The following PROS1 variants were observed in gnomAD, a reference collection of about 807,000 sequenced individuals.
The protein encoded by PROS1 is vitamin K-dependent protein S.
PROS1 carries 29 observed loss-of-function variants against 75.9 expected under a neutral mutation model. The observed-to-expected ratio is 0.38, with a 90% CI of 0.28 to 0.52. The LOEUF (loss-of-function observed/expected upper bound fraction) is 0.52, where lower values mean the gene tolerates loss of function less well. PROS1 is among the 20% of genes least tolerant of loss of function. PROS1 has a pLI of 0.83. For missense variants in PROS1, 680 were observed against 810.3 expected (o/e 0.84, Z 1.95); for synonymous variants, 245 against 280.6 (o/e 0.87, Z 1.27).
intron 1 of PROS1, among the ~76,000 whole-genome samples, chr3:93,933,740 A>G (rs975319732): frequency 6.6e-6 from 1 of 152,176 alleles, no homozygotes; most frequent in African/African-American, 2.4e-5. Context: ...CCTGGCCAAC[A>G]TGGTGAAATG....
intron 3 of PROS1, among the ~76,000 whole-genome samples, chr3:93,912,212 G>T (rs1353594610): frequency 6.6e-6 from 1 of 152,104 alleles, no homozygotes; most frequent in Admixed American, 6.5e-5. Flanking sequence ...TGGGCTCATG[G>T]CCTCATCCTT....
In PROS1 at chr3:93,910,681, C is replaced by A; in HGVS notation, c.284G>T (p.Gly95Val). 6.2e-7 allele frequency: 1 copy of A among 1,613,286 alleles called. No homozygotes were observed. Among genetic ancestry groups the A allele is most frequent in the Non-Finnish European group, 8.5e-7 (1 of 1,179,566 alleles). The change falls in exon 4 of 15, where the codon GGG becomes GTG. Residue 95 changes from glycine (G) to valine (V), a missense_variant. Coordinates refer to ENST00000394236, the MANE Select transcript of PROS1 (RefSeq NM_000313.4). The stretch of plus-strand genomic sequence containing the variant: ...TGACTGACGTGCAGCAGTGAATAAC[C>A]CAGTTTGAAAAGAGCGAAGACAAAC... Reference protein sequence around the residue: ...YLVCLRSFQTGLFTAARQSTN... With the variant: ...YLVCLRSFQTVLFTAARQSTN...
At chr3:93,893,232 A>G in intron 9 of PROS1, 110 bp from the exon 10 acceptor site, 4 of 1,005,040 alleles carry the variant, frequency 4.0e-6, no homozygotes, top group Non-Finnish European at 6.0e-6. Flanking sequence ...AGAGTCAATT[A>G]TTTATTTCTT....
intron 1 of PROS1, among the ~76,000 whole-genome samples, chr3:93,971,049 AATGAATT>A (rs1709872893): frequency 6.6e-6 from 1 of 151,890 alleles, no homozygotes; most frequent in South Asian, 2.1e-4. Flanking sequence ...TGGCCTAAAC[AATGAATT>A]ATAGGCTGGA....
intron 4 of PROS1, among the ~76,000 whole-genome samples, chr3:93,910,375 C>T (rs1346335265): frequency 6.6e-6 from 1 of 152,080 alleles, no homozygotes; most frequent in East Asian, 1.9e-4. Flanking sequence ...AGCTGATAAC[C>T]TTTAGGAACA....
rs143431856 is a variant in PROS1, at chr3:93,876,771, T to A, written c.1870+195A>T. 0.018 allele frequency among the ~76,000 whole-genome samples: 2,771 copies of A among 152,152 alleles called. 97 individuals carry two copies. The highest frequency in any genetic ancestry group is 0.063 in the African/African-American group (2,634 of 41,498). On this transcript the variant is annotated intron_variant, in intron 14 of 14. Transcript: ENST00000394236. ...TGAAGCAAAACTTGATCAGCCTTAG[T>A]TCAACATTTTTAAACTAAACAAAAC... is the stretch of plus-strand genomic sequence containing the variant.
chr3:93,966,919 A>T (rs1709799924), intron 1 of PROS1, among the ~76,000 whole-genome samples: 1 of 152,206 alleles, frequency 6.6e-6, no homozygotes. Flanking sequence ...GTTTCTCAAG[A>T]GAAGCCATAA....
intron 10 of PROS1, among the ~76,000 whole-genome samples, chr3:93,890,819 T>C (rs144165803): frequency 6.6e-6 from 1 of 152,226 alleles, no homozygotes; most frequent in East Asian, 1.9e-4. Flanking sequence ...CAATACAAAC[T>C]TCTTGTCTGG....
chr3:93,956,041 A>C (rs781444168), intron 1 of PROS1, among the ~76,000 whole-genome samples: 5 of 152,174 alleles, frequency 3.3e-5, no homozygotes, highest in Non-Finnish European at 7.3e-5. Flanking sequence ...AGACTGAATT[A>C]TAATCAGAAG....
At chr3:93,964,085 G>A (rs867402035) in intron 1 of PROS1, among the ~76,000 whole-genome samples, 5 of 152,034 alleles carry the variant, frequency 3.3e-5, no homozygotes, top group Non-Finnish European at 5.9e-5. Context: ...ATCTTCCTAA[G>A]CTGAGGATGT....
At chr3:93,915,479 A>C (rs1475232327) in intron 3 of PROS1, among the ~76,000 whole-genome samples, 1 of 152,210 alleles carries the variant, frequency 6.6e-6, no homozygotes, top group Non-Finnish European at 1.5e-5. Flanking sequence ...ATAAATAAAT[A>C]GATAAATAAA....
intron 1 of PROS1, among the ~76,000 whole-genome samples, chr3:93,934,345 G>A (rs1474375427): frequency 1.3e-5 from 2 of 152,136 alleles, no homozygotes. Context: ...CTGGAGGAAA[G>A]AAGCAATTGA....
At chr3:93,962,256 A>G (rs1024410472) in intron 1 of PROS1, among the ~76,000 whole-genome samples, 2 of 152,026 alleles carry the variant, frequency 1.3e-5, no homozygotes, top group Admixed American at 1.3e-4. Flanking sequence ...AGATCTCACG[A>G]GATTGAGATG....
intron 3 of PROS1, among the ~76,000 whole-genome samples, chr3:93,912,685 T>C (rs1479044736): frequency 6.6e-6 from 1 of 152,236 alleles, no homozygotes; most frequent in East Asian, 1.9e-4. Flanking sequence ...ATCAAGGTGC[T>C]TTAGTGTCTC....
In PROS1 at chr3:93,884,766, T is replaced by C. The variant is rs1323663956; in HGVS notation, c.1454A>G (p.Tyr485Cys). Residue 485 changes from tyrosine to cysteine, a missense_variant, in exon 12 of 15, where the codon TAT becomes TGT. Physicochemically the swap from Tyr to Cys is radical, Grantham distance 194. Coordinates refer to ENST00000394236, the MANE Select transcript of PROS1 (RefSeq NM_000313.4). Reference protein sequence around the residue: ...CLVTVEKGSYYPGSGIAQFHI... With the variant: ...CLVTVEKGSYCPGSGIAQFHI... ...AAATTGAGCAATTCCAGAACCAGGA[T>C]AGTAGGAGCCCTTCTCCACAGTAAC... is the stretch of plus-strand genomic sequence containing the variant. 1 of 1,613,902 alleles carries C rather than the reference T, an allele frequency of 6.2e-7. No individual in the cohort carries two copies.
chr3:93,940,728 C>A (rs1709271035), intron 1 of PROS1, among the ~76,000 whole-genome samples: 1 of 152,098 alleles, frequency 6.6e-6, no homozygotes, highest in Non-Finnish European at 1.5e-5. Flanking sequence ...CCCTAATCAC[C>A]ATTACCTTGC....
At chr3:93,900,321 C>A (rs1708572099) in intron 7 of PROS1, among the ~76,000 whole-genome samples, 1 of 152,146 alleles carries the variant, frequency 6.6e-6, no homozygotes. Flanking sequence ...GATAATAGAA[C>A]TGTGTCATTT....
intron 1 of PROS1, chr3:93,958,645 A>G (rs563641384): frequency 6.6e-5 from 10 of 152,254 alleles, no homozygotes; most frequent in South Asian, 2.1e-4. Context: ...TGGTGGGAGA[A>G]AATTGAATCA....
intron 10 of PROS1, among the ~76,000 whole-genome samples, chr3:93,892,038 T>C (rs1708438267): frequency 6.6e-6 from 1 of 151,952 alleles, no homozygotes; most frequent in Admixed American, 6.6e-5. Context: ...TTTGCATAAA[T>C]TGTTATGCCA....
Sources: gnomAD v4.1 joint callset for allele counts (sites outside exome capture counted in the v4.1 genomes callset) on GRCh38, gnomAD v4.1.1 for gene constraint, MANE v1.5 for transcripts, NCBI Gene and HGNC (gene_info 2026-07-23, HGNC 2026-07-21) for gene names.